DNAH5: variants seen among roughly 807,000 people sequenced by gnomAD.
DNAH5 encodes the protein dynein axonemal heavy chain 5.
In DNAH5, 372 loss-of-function variants were observed where a neutral mutation model predicts 518.2. That is an observed-to-expected ratio of 0.72 (90% CI 0.66 to 0.78). DNAH5 has a LOEUF of 0.78. DNAH5 is among the 30% of genes least tolerant of loss of function. The pLI is 0.00. For synonymous variants in DNAH5, 2,039 were observed against 2,025.9 expected (o/e 1.01, Z -0.17); for missense variants, 5,523 against 5,687.0 (o/e 0.97, Z 0.93).
intron 1 of DNAH5, chr5:13,932,160 A>C (rs1778491458): frequency 1.3e-5 from 2 of 152,220 alleles, no homozygotes. Flanking sequence ...AGAGACTAAC[A>C]CTACCTGGTA....
chr5:13,953,029 T>C (rs1780532645), intron 1 of DNAH5, among the ~76,000 whole-genome samples: 1 of 152,252 alleles, frequency 6.6e-6, no homozygotes, highest in African/African-American at 2.4e-5. Context: ...ACACTGTTGT[T>C]TCCTTCAAGA....
intron 65 of DNAH5, among the ~76,000 whole-genome samples, chr5:13,743,785 A>AT (rs1451596361): frequency 1.1e-4 from 16 of 152,226 alleles, no homozygotes; most frequent in Admixed American, 8.5e-4. Context: ...TGGGTTGGCG[A>AT]TTATCAAAAA....
At chr5:13,747,448 C>T (rs918942959) in intron 65 of DNAH5, among the ~76,000 whole-genome samples, 8 of 151,764 alleles carry the variant, frequency 5.3e-5, no homozygotes, top group African/African-American at 1.9e-4. Flanking sequence ...GTTCTAGATC[C>T]CTGAGGAATC....
At chr5:13,953,726 G>C (rs937434308) in intron 1 of DNAH5, among the ~76,000 whole-genome samples, 3 of 152,044 alleles carry the variant, frequency 2.0e-5, no homozygotes, top group African/African-American at 7.2e-5. Context: ...GTTTTGTTTT[G>C]AGATGGGGTC....
chr5:13,807,789 C>T, intron 46 of DNAH5, 64 bp from the exon 47 acceptor site: 2 of 1,421,762 alleles, frequency 1.4e-6, no homozygotes, highest in Admixed American at 2.0e-5. Context: ...CTGAATTTGT[C>T]CCCCCAAAAT....
intron 33 of DNAH5, 114 bp from the exon 34 acceptor site, chr5:13,841,244 A>G: frequency 1.2e-6 from 1 of 816,192 alleles, no homozygotes; most frequent in Non-Finnish European, 2.0e-6. Flanking sequence ...CCATGATTAC[A>G]TCAACTTTGA....
chr5:13,783,049 A>G (rs183172998), intron 52 of DNAH5, among the ~76,000 whole-genome samples: 5 of 152,322 alleles, frequency 3.3e-5, no homozygotes, highest in Admixed American at 3.3e-4. Flanking sequence ...ACCAGAGAAA[A>G]GAATGCTGGG....
chr5:13,786,104 G>A (rs1031347634), intron 52 of DNAH5, 75 bp downstream of exon 52: 1 of 1,408,506 alleles, frequency 7.1e-7, no homozygotes, highest in Non-Finnish European at 1.0e-6. Context: ...ATGAAAATAA[G>A]AGAGGGAGAG....
chr5:13,752,393 C>G (rs935567166), intron 63 of DNAH5, 104 bp from the exon 64 acceptor site: 1 of 1,329,106 alleles, frequency 7.5e-7, no homozygotes, highest in Admixed American at 1.7e-5. Flanking sequence ...CTGCAAGAGA[C>G]AAATACAAAT....
intron 31 of DNAH5, among the ~76,000 whole-genome samples, chr5:13,848,828 G>A (rs1458211838): frequency 2.6e-5 from 4 of 152,180 alleles, no homozygotes; most frequent in South Asian, 2.1e-4. Flanking sequence ...AAATACAAAT[G>A]AACCTTCGCT....
chr5:13,777,783 C>G (rs1385459081), intron 53 of DNAH5, among the ~76,000 whole-genome samples: 1 of 152,098 alleles, frequency 6.6e-6, no homozygotes. Flanking sequence ...GAGTGAGATG[C>G]CCTGTTATAA....
Position 13,691,909 on chromosome 5 carries a change from T to C in DNAH5, c.*75A>G. 6.3e-7 allele frequency: 1 copy of C among 1,585,176 alleles called. No individual in the cohort carries two copies. Among genetic ancestry groups the C allele is most frequent in the Non-Finnish European group, 8.7e-7 (1 of 1,154,642 alleles). ...CGACCTAACATACACTGTCCAGCAG[T>C]CATACAGAAATAAAGGTTACAATAA... On this transcript the variant is annotated 3_prime_UTR_variant, in exon 79 of 79. Transcript: ENST00000265104.
intron 78 of DNAH5, among the ~76,000 whole-genome samples, chr5:13,694,543 T>G (rs1001592982): frequency 6.6e-6 from 1 of 152,204 alleles, no homozygotes; most frequent in Non-Finnish European, 1.5e-5. Flanking sequence ...GAGAAGAGGT[T>G]GTGCAAATTG....
chr5:13,865,604 G>T, intron 27 of DNAH5, 64 bp downstream of exon 27: 1 of 986,504 alleles, frequency 1.0e-6, no homozygotes, highest in Non-Finnish European at 1.6e-6. Context: ...GAACTTGGCT[G>T]CCTATCAAAG....
At position 13,701,307 on chromosome 5, in the gene DNAH5, C is replaced by T. The variant is rs866681308; in HGVS notation, c.13468G>A (p.Gly4490Arg). The T allele has an allele frequency of 6.2e-7, 1 of 1,613,772 alleles. No individual in the cohort carries two copies. The highest frequency in any genetic ancestry group is 8.5e-7 in the Non-Finnish European group (1 of 1,179,978). Residue 4490 changes from glycine (G) to arginine (R), a missense_variant, in exon 77 of 79, where the codon GGA becomes AGA. Physicochemically the swap from Gly to Arg is moderately radical, Grantham distance 125. Transcript: ENST00000265104. Reference sequence around the variant, plus strand: ...ACCTGTCGCATTGCAGTTAAAAATCCCTGGGGGTTAAAAAAACCCGTCATC... The same window carrying T: ...ACCTGTCGCATTGCAGTTAAAAATCTCTGGGGGTTAAAAAAACCCGTCATC... ...FWMTGFFNPQ[G>R]FLTAMRQEIT...
At chr5:13,751,481 A>G (rs1750219373) in intron 64 of DNAH5, among the ~76,000 whole-genome samples, 1 of 152,198 alleles carries the variant, frequency 6.6e-6, no homozygotes, top group Non-Finnish European at 1.5e-5. Context: ...ATACACACAT[A>G]TATATAATGG....
chr5:13,700,438 T>A (rs915226663), intron 78 of DNAH5, among the ~76,000 whole-genome samples: 4 of 152,228 alleles, frequency 2.6e-5, no homozygotes, highest in African/African-American at 9.6e-5. Flanking sequence ...GCAAGTACTA[T>A]CTAGAACTAT....
At chr5:13,903,142 C>T (rs1311158631) in intron 12 of DNAH5, among the ~76,000 whole-genome samples, 3 of 152,016 alleles carry the variant, frequency 2.0e-5, no homozygotes, top group Non-Finnish European at 2.9e-5. Context: ...CTGAATAAAA[C>T]AAGAACACTC....
rs1166293686 is a variant in DNAH5 at position 13,792,068 on chromosome 5, A to G, written c.8374T>C (p.Phe2792Leu). The G allele has an allele frequency of 6.2e-7, 1 of 1,614,078 alleles. No individual in the cohort carries two copies. The highest frequency in any genetic ancestry group is 1.7e-5 in the Admixed American group (1 of 59,986). Residue 2792 changes from phenylalanine to leucine, a missense_variant, in exon 50 of 79, where the codon TTT becomes CTT. Around this residue, in one of 3 missense-constraint regions of DNAH5, gnomAD observed 5,121 missense variants for 5,223.3 expected, o/e 0.98. Transcript: ENST00000265104. ...ACCCGAGAAAGATCTCGTAGGTTAAACACATAATGGAATTTTGCAGGGGTA... is the reference window on the plus strand; with the variant it reads ...ACCCGAGAAAGATCTCGTAGGTTAAGCACATAATGGAATTTTGCAGGGGTA... ...LPTPAKFHYV[F>L]NLRDLSRVWQ...
Sources: gnomAD v4.1 joint callset for allele counts (sites outside exome capture counted in the v4.1 genomes callset) on GRCh38, gnomAD v4.1.1 for gene constraint, gnomAD v4.1.1 regional missense constraint, MANE v1.5 for transcripts, NCBI Gene and HGNC (gene_info 2026-07-23, HGNC 2026-07-21) for gene names.